PPEF2: variants seen among roughly 807,000 people sequenced by gnomAD.
PPEF2 encodes the protein protein phosphatase with EF-hand domain 2, also known as serine/threonine-protein phosphatase with EF-hands 2.
Under a neutral mutation model 84.7 loss-of-function variants are expected in PPEF2, and 84 were observed. The observed-to-expected ratio is 0.99, with a 90% CI of 0.83 to 1.19. The LOEUF is 1.19. Among genes scored for constraint, PPEF2 ranks in the 50% most tolerant of loss-of-function variants. The pLI, the probability that PPEF2 is intolerant of heterozygous loss-of-function variation, is 0.00. For missense variants in PPEF2, 924 were observed against 937.5 expected, an observed-to-expected ratio of 0.99 and a Z score of 0.19; for synonymous variants, 346 against 345.2, an observed-to-expected ratio of 1.00 and a Z score of -0.03.
In PPEF2 at chr4:75,864,604, C is replaced by A. The variant is rs184029117; in HGVS notation, c.1921-77G>T. On this transcript the variant is annotated intron_variant, in intron 15 of 16. Transcript: ENST00000286719. ...AATATATAATTAACACACAATCAAC[C>A]CTGACAATCACACATTCTTGAAAAA... is the stretch of plus-strand genomic sequence containing the variant. 1.1e-3 allele frequency: 1,300 copies of A among 1,131,944 alleles called. 15 individuals carry two copies. In the African/African-American group the frequency reaches 0.018, roughly 16 times the overall value. 70.1% of individuals were successfully genotyped at this position (1,131,944 alleles called of 1,614,324 possible). A position where few individuals can be genotyped will look rare whatever the true frequency, so the allele number is the denominator to read the frequency against.
chr4:75,867,407 C>T lies in PPEF2; in HGVS notation c.1662G>A (p.Val554=). The stretch of plus-strand genomic sequence containing the variant: ...TCAGAGCTCTCAGAGCCGACTCCTC[C>T]ACTCTGCTAATCCTGGGACAGGAGA... The part of the protein sequence containing the change: ...TLTMRQRISR[V]EESALRALRE... The change falls in exon 14 of 17, where the codon GTG becomes GTA. Residue 554 remains valine, a synonymous_variant. Transcript: ENST00000286719. 1 of 1,613,188 alleles carries T rather than the reference C, an allele frequency of 6.2e-7. No individual in the cohort carries two copies. The highest frequency in any genetic ancestry group is 8.5e-7 in the Non-Finnish European group (1 of 1,179,274).
chr4:75,876,124 CTA>C (rs1491410533), intron 11 of PPEF2, among the ~76,000 whole-genome samples, 161 bp downstream of exon 11: 2 of 152,206 alleles, frequency 1.3e-5, no homozygotes, highest in African/African-American at 2.4e-5. Context: ...TTATAAAACT[CTA>C]AAACATATGA....
In PPEF2 at chr4:75,891,930, G is replaced by T; in HGVS notation, c.104C>A (p.Ala35Asp). Residue 35 changes from alanine (A) to aspartate (D), a missense_variant, in exon 3 of 17, where the codon GCC becomes GAC. Transcript: ENST00000286719. The part of the protein sequence containing the change: ...LIQRWYRRYV[A>D]RLEMRRRCTW... ...GCAACGCCGCCTCATCTCCAGGCGG[G>T]CCACGTAGCGCCGGTACCATCTCTG... 1.2e-6 allele frequency: 2 copies of T among 1,614,146 alleles called. No homozygotes were observed. The highest frequency in any genetic ancestry group is 2.2e-5 in the South Asian group (2 of 91,082).
At position 75,899,867 on chromosome 4, in the gene PPEF2, C is replaced by T. The variant is rs1725082465; in HGVS notation, c.-59+2363G>A. Among the ~76,000 whole-genome samples the T allele has an allele frequency of 2.0e-5, 3 of 152,226 alleles. 1 individual carries two copies. The South Asian group carries it at 6.2e-4, about 32-fold the overall frequency. On this transcript the variant is annotated intron_variant, in intron 1 of 16. Transcript: ENST00000286719. The stretch of plus-strand genomic sequence containing the variant: ...CTGCTTGTCAATGACTCACAAGTTG[C>T]TTTGATACATTGGTAACTTGCCTGC...
intron 2 of PPEF2, among the ~76,000 whole-genome samples, chr4:75,892,703 T>C (rs73825577): frequency 0.055 from 8,385 of 152,238 alleles, 627 homozygotes; most frequent in African/African-American, 0.17. Context: ...CTCTCATTTT[T>C]GCCAGGACCT....
rs776251800 is a variant in PPEF2, at chr4:75,886,869, T to A, written c.562A>T (p.Ile188Phe). The change falls in exon 7 of 17, where the codon ATC (isoleucine) becomes TTC (phenylalanine). Residue 188 changes from isoleucine (I) to phenylalanine (F), a missense_variant. By Grantham distance (21) the Ile-to-Phe change is conservative. Coordinates refer to ENST00000286719, the MANE Select transcript of PPEF2 (RefSeq NM_006239.3). ...GDLHGQLDDL[I>F]FIFYKNGLPS... Reference sequence around the variant, plus strand: ...ATTCATACCTTATAAAATATAAAGATTAAGTCATCCAATTGGCCATGTAAG... The same window carrying A: ...ATTCATACCTTATAAAATATAAAGAATAAGTCATCCAATTGGCCATGTAAG... 32 of 1,499,406 alleles carry A rather than the reference T, an allele frequency of 2.1e-5. No individual in the cohort carries two copies. Among genetic ancestry groups the A allele is most frequent in the African/African-American group, 2.8e-5 (2 of 71,152 alleles). 92.9% of individuals were successfully genotyped at this position (1,499,406 alleles called of 1,614,324 possible).
intron 15 of PPEF2, among the ~76,000 whole-genome samples, chr4:75,865,502 C>G (rs954787179): frequency 1.3e-4 from 20 of 152,104 alleles, no homozygotes; most frequent in Admixed American, 1.3e-3. Context: ...ATTCTCCCAC[C>G]TCGCCTCCCA....
intron 16 of PPEF2, among the ~76,000 whole-genome samples, chr4:75,863,273 C>T (rs553591903): frequency 4.7e-4 from 71 of 150,802 alleles, no homozygotes; most frequent in African/African-American, 1.6e-3. Flanking sequence ...GGGTGAATCA[C>T]GAGGTCAGGA....
chr4:75,883,483 T>C, intron 8 of PPEF2: 2 of 397,710 alleles, frequency 5.0e-6, no homozygotes, highest in South Asian at 8.7e-5. Context: ...CAAAAACAAA[T>C]TCAATGGTTT....
At position 75,866,254 on chromosome 4, in the gene PPEF2, C is replaced by T. The variant is rs1218752109; in HGVS notation, c.1855G>A (p.Ala619Thr). The stretch of plus-strand genomic sequence containing the variant: ...GACTTGTACTCCAGCATGTTGTCTG[C>T]TGAGCTGTTCACCAGCTGTGGCCTC... ...MLRPQLVNSS[A>T]DNMLEYKSWL... The change falls in exon 15 of 17, where the codon GCA becomes ACA. Residue 619 changes from alanine (A) to threonine (T), a missense_variant. Transcript: ENST00000286719. The T allele has an allele frequency of 2.5e-6, 4 of 1,614,178 alleles. No individual in the cohort carries two copies. Among genetic ancestry groups the T allele is most frequent in the Non-Finnish European group, 3.4e-6 (4 of 1,180,046 alleles).
chr4:75,873,977 A>G (rs1724348027), intron 11 of PPEF2, among the ~76,000 whole-genome samples: 1 of 151,836 alleles, frequency 6.6e-6, no homozygotes, highest in African/African-American at 2.4e-5. Context: ...GCATGGAGGC[A>G]CACACCTGTA....
intron 11 of PPEF2, 55 bp downstream of exon 11, chr4:75,876,232 G>T: frequency 6.6e-7 from 1 of 1,519,142 alleles, no homozygotes. Flanking sequence ...CTGGAAGGGA[G>T]AGTTTTGACC....
intron 2 of PPEF2, among the ~76,000 whole-genome samples, chr4:75,892,259 A>G (rs1405753093): frequency 2.0e-5 from 3 of 152,194 alleles, no homozygotes; most frequent in Non-Finnish European, 4.4e-5. Flanking sequence ...ACATTTCTGT[A>G]TAGGGATGAA....
chr4:75,892,291 C>T (rs373398675), intron 2 of PPEF2, among the ~76,000 whole-genome samples: 1 of 152,032 alleles, frequency 6.6e-6, no homozygotes, highest in East Asian at 1.9e-4. Context: ...GCCAGGATTC[C>T]GAGAAGGAGA....
At chr4:75,897,588 C>T (rs529394058) in intron 1 of PPEF2, among the ~76,000 whole-genome samples, 1 of 152,298 alleles carries the variant, frequency 6.6e-6, no homozygotes, top group East Asian at 1.9e-4. Context: ...GCCTGGCCAA[C>T]ATGGTGAAAC....
At position 75,860,328 on chromosome 4, in the gene PPEF2, G is replaced by C. The variant is rs1232303355; in HGVS notation, c.*339C>G. 3 of 268,878 alleles carry C rather than the reference G, an allele frequency of 1.1e-5. No individual in the cohort carries two copies. In the East Asian group the frequency reaches 2.8e-4, roughly 25 times the overall value. 16.7% of individuals were successfully genotyped at this position (268,878 alleles called of 1,614,324 possible). ...ATGCACTCCAGCCTGGGCAACAAGA[G>C]AGAAACTCCATCTCAAAAAAACGTA... On this transcript the variant is annotated 3_prime_UTR_variant, in exon 17 of 17. Coordinates refer to ENST00000286719, the MANE Select transcript of PPEF2 (RefSeq NM_006239.3).
intron 2 of PPEF2, among the ~76,000 whole-genome samples, chr4:75,892,299 A>C (rs1724908779): frequency 6.6e-6 from 1 of 152,144 alleles, no homozygotes; most frequent in South Asian, 2.1e-4. Flanking sequence ...TCCGAGAAGG[A>C]GATGTAAACT....
chr4:75,893,533 A>G (rs1284102131), intron 2 of PPEF2, among the ~76,000 whole-genome samples: 6 of 152,106 alleles, frequency 3.9e-5, no homozygotes, highest in Admixed American at 1.3e-4. Flanking sequence ...AGAATAGTGA[A>G]TGAAAGGTCC....
intron 8 of PPEF2, among the ~76,000 whole-genome samples, chr4:75,883,927 C>G (rs1410612935): frequency 6.7e-6 from 1 of 149,436 alleles, no homozygotes; most frequent in Non-Finnish European, 1.5e-5. Flanking sequence ...GTCAGAAGTT[C>G]GAGACCAGCC....
Sources: gnomAD v4.1 joint callset for allele counts (sites outside exome capture counted in the v4.1 genomes callset) on GRCh38, gnomAD v4.1.1 for gene constraint, MANE v1.5 for transcripts, NCBI Gene and HGNC (gene_info 2026-07-23, HGNC 2026-07-21) for gene names.